Variants in DLGAP1 observed in about 807,000 individuals in gnomAD.
The protein encoded by DLGAP1 is DLG associated protein 1.
Under a neutral mutation model 90.8 loss-of-function variants are expected in DLGAP1, and 11 were observed. The ratio of observed to expected loss-of-function variants is 0.12; its 90% confidence interval spans 0.08 to 0.20. DLGAP1 has a LOEUF of 0.20. DLGAP1 is among the 10% of genes least tolerant of loss of function. The probability of loss-of-function intolerance (pLI) is 1.00; values close to 1 mark genes in which losing one functional copy is unlikely to be tolerated. For missense variants in DLGAP1, 1,050 were observed against 1,333.8 expected, an observed-to-expected ratio of 0.79 and a Z score of 3.31; for synonymous variants, 558 against 540.7, an observed-to-expected ratio of 1.03 and a Z score of -0.44.
rs144112197 is a variant in DLGAP1 at position 3,866,942 on chromosome 18, G to A, written c.957+12170C>T. Among the ~76,000 whole-genome samples the A allele has an allele frequency of 9.0e-3, 1,363 of 152,172 alleles. 17 individuals carry two copies. Among genetic ancestry groups the A allele is most frequent in the Middle Eastern group, 0.044 (13 of 294 alleles). ...CTTGGATCACTGTAACCTCTGCTTC[G>A]CGGGTTCAAGCAATTCTCCTGCCTC... On this transcript the variant is annotated intron_variant, in intron 4 of 12. Coordinates refer to ENST00000315677, the MANE Select transcript of DLGAP1 (RefSeq NM_004746.4).
At chr18:3,562,990 T>C (rs577105195) in intron 9 of DLGAP1, among the ~76,000 whole-genome samples, 14 of 151,998 alleles carry the variant, frequency 9.2e-5, no homozygotes, top group South Asian at 4.2e-4. Flanking sequence ...CACAGCCAGA[T>C]AACTTTTTGT....
At chr18:4,099,595 A>C (rs1356831527) in intron 2 of DLGAP1, among the ~76,000 whole-genome samples, 1 of 152,102 alleles carries the variant, frequency 6.6e-6, no homozygotes, top group African/African-American at 2.4e-5. Context: ...AGGGAGTTGT[A>C]ATCTTTTTGC....
intron 7 of DLGAP1, among the ~76,000 whole-genome samples, chr18:3,700,755 G>A (rs1048227782): frequency 1.1e-4 from 16 of 152,020 alleles, no homozygotes; most frequent in East Asian, 3.9e-4. Flanking sequence ...GACTACAGGC[G>A]CCCACCACCA....
chr18:3,917,062 A>C (rs1009836110), intron 3 of DLGAP1, among the ~76,000 whole-genome samples: 5 of 152,224 alleles, frequency 3.3e-5, no homozygotes, highest in African/African-American at 1.2e-4. Context: ...TTCATTACAA[A>C]ATAGGCTTTG....
chr18:4,118,876 A>T (rs1227921823), intron 2 of DLGAP1, among the ~76,000 whole-genome samples: 1 of 152,160 alleles, frequency 6.6e-6, no homozygotes, highest in Non-Finnish European at 1.5e-5. Context: ...CTATGTTTTT[A>T]AAAAATGCTT....
chr18:3,721,067 A>C (rs2061964262), intron 7 of DLGAP1, among the ~76,000 whole-genome samples: 1 of 151,930 alleles, frequency 6.6e-6, no homozygotes. Context: ...AGAAAAAAAA[A>C]GGTGTCTGTG....
chr18:4,400,595 G>A (rs1407656624), intron 1 of DLGAP1, among the ~76,000 whole-genome samples: 2 of 152,048 alleles, frequency 1.3e-5, no homozygotes, highest in Non-Finnish European at 2.9e-5. Context: ...GTTCTTTGTG[G>A]GGCTCTCGGG....
chr18:3,578,576 C>T (rs1012445522), intron 8 of DLGAP1, among the ~76,000 whole-genome samples: 3 of 151,436 alleles, frequency 2.0e-5, no homozygotes, highest in Admixed American at 6.6e-5. Context: ...AGGATGGTGT[C>T]GATCTCTTGA....
chr18:4,345,180 C>T (rs1414807643), intron 1 of DLGAP1, among the ~76,000 whole-genome samples: 7 of 152,176 alleles, frequency 4.6e-5, no homozygotes, highest in African/African-American at 1.7e-4. Context: ...CTGGAATGCA[C>T]TTCTAAGACA....
At chr18:3,761,882 T>C (rs1196633406) in intron 5 of DLGAP1, among the ~76,000 whole-genome samples, 2 of 152,314 alleles carry the variant, frequency 1.3e-5, no homozygotes, top group South Asian at 2.1e-4. Context: ...TCTCAGTCCC[T>C]GCTTTCAATT....
intron 7 of DLGAP1, chr18:3,654,927 C>CT (rs1158389178): frequency 2.6e-5 from 4 of 152,180 alleles, no homozygotes; most frequent in Admixed American, 2.6e-4. Flanking sequence ...GCCTTTTCAA[C>CT]TTGGTTTTGT....
chr18:4,218,153 T>G (rs1191858857), intron 1 of DLGAP1, among the ~76,000 whole-genome samples: 2 of 151,438 alleles, frequency 1.3e-5, no homozygotes, highest in Non-Finnish European at 2.9e-5. Flanking sequence ...TGTTGAAAAG[T>G]CTGTCCTTTC....
intron 1 of DLGAP1, among the ~76,000 whole-genome samples, chr18:4,218,445 T>C (rs930522624): frequency 6.6e-6 from 1 of 151,980 alleles, no homozygotes; most frequent in Non-Finnish European, 1.5e-5. Context: ...CATCACCTCA[T>C]ATAACTTATC....
chr18:4,408,906 C>T (rs1170115552), intron 1 of DLGAP1, among the ~76,000 whole-genome samples: 1 of 151,690 alleles, frequency 6.6e-6, no homozygotes, highest in African/African-American at 2.4e-5. Flanking sequence ...ACGCTCTAAC[C>T]TAGACTAGCA....
chr18:4,262,017 T>C (rs1013426205), intron 1 of DLGAP1, among the ~76,000 whole-genome samples: 17 of 152,228 alleles, frequency 1.1e-4, no homozygotes, highest in African/African-American at 3.4e-4. Flanking sequence ...GATTTCATGA[T>C]TGGGAGGCTA....
chr18:4,251,766 C>A (rs969784509), intron 1 of DLGAP1, among the ~76,000 whole-genome samples: 2 of 152,218 alleles, frequency 1.3e-5, no homozygotes, highest in African/African-American at 4.8e-5. Flanking sequence ...GAATCATGAA[C>A]GCACAACTGT....
intron 2 of DLGAP1, among the ~76,000 whole-genome samples, chr18:4,140,203 C>T (rs911773720): frequency 4.0e-5 from 6 of 151,646 alleles, no homozygotes; most frequent in Non-Finnish European, 8.9e-5. Flanking sequence ...TTCCTGTCTT[C>T]CTTTCAGTGA....
chr18:3,891,207 C>T (rs2071449365), intron 3 of DLGAP1, among the ~76,000 whole-genome samples: 1 of 152,216 alleles, frequency 6.6e-6, no homozygotes, highest in South Asian at 2.1e-4. Context: ...CCTCTTCTCC[C>T]ATTCCATCCA....
intron 1 of DLGAP1, among the ~76,000 whole-genome samples, chr18:4,239,702 CT>C (rs1295662080): frequency 6.6e-6 from 1 of 152,140 alleles, no homozygotes; most frequent in Non-Finnish European, 1.5e-5. Flanking sequence ...AACAAAGTGT[CT>C]TCGATTTAAA....
Sources: allele counts gnomAD v4.1 joint callset (sites outside exome capture counted in the v4.1 genomes callset), GRCh38; gene constraint gnomAD v4.1.1; transcripts MANE v1.5; gene names NCBI Gene and HGNC (gene_info 2026-07-23, HGNC 2026-07-21).